The following HYCC1 variants were observed in gnomAD, a reference collection of about 807,000 sequenced individuals.
HYCC1 encodes the protein hyccin.
the HYCC1 span, chr7:22,991,048 C>A: frequency 3.2e-6 from 5 of 1,553,944 alleles, no homozygotes; most frequent in Non-Finnish European, 3.6e-6. Flanking sequence ...TATAGTAGAA[C>A]AGTAAATATT....
At chr7:22,899,326 A>G in the HYCC1 span, among the ~76,000 whole-genome samples, 1 of 152,172 alleles carries the variant, frequency 6.6e-6, no homozygotes, top group Admixed American at 6.5e-5. Flanking sequence ...GTTGTACAGC[A>G]TGGGGGGCCT....
At chr7:22,902,715 T>C in the HYCC1 span, among the ~76,000 whole-genome samples, 1 of 151,992 alleles carries the variant, frequency 6.6e-6, no homozygotes, top group Admixed American at 6.6e-5. Context: ...CATATCTATA[T>C]GGGGAAAAAA....
the HYCC1 span, among the ~76,000 whole-genome samples, chr7:22,927,146 T>C: frequency 5.6e-4 from 85 of 151,938 alleles, no homozygotes; most frequent in Middle Eastern, 6.8e-3. Context: ...AGAACAAAGA[T>C]ACAACATACC....
At chr7:22,960,244 C>T in the HYCC1 span, 9 of 1,611,666 alleles carry the variant, frequency 5.6e-6, no homozygotes, top group East Asian at 4.5e-5. Context: ...TGAAGAGTTA[C>T]GTATTTCTTA....
chr7:22,926,408 AC>A, the HYCC1 span, among the ~76,000 whole-genome samples: 1 of 152,188 alleles, frequency 6.6e-6, no homozygotes, highest in South Asian at 2.1e-4. Context: ...AAGAGTCAAG[AC>A]CCATCAGTGT....
chr7:22,953,184 A>G, the HYCC1 span, among the ~76,000 whole-genome samples: 1 of 151,878 alleles, frequency 6.6e-6, no homozygotes, highest in African/African-American at 2.4e-5. Flanking sequence ...CTGCAGGACC[A>G]GGTGAATCCT....
chr7:22,930,134 T>C, the HYCC1 span, among the ~76,000 whole-genome samples: 35,718 of 137,468 alleles, frequency 0.26, 4,489 homozygotes, highest in East Asian at 0.49. Flanking sequence ...TAGGTGGGAA[T>C]TGAACAAAGA....
At chr7:22,921,355 A>C in the HYCC1 span, among the ~76,000 whole-genome samples, 1 of 152,242 alleles carries the variant, frequency 6.6e-6, no homozygotes, top group Non-Finnish European at 1.5e-5. Flanking sequence ...TCAAACACAC[A>C]AGAACAAATA....
the HYCC1 span, among the ~76,000 whole-genome samples, chr7:23,008,088 G>C: frequency 2.0e-5 from 3 of 151,988 alleles, no homozygotes; most frequent in African/African-American, 7.2e-5. Context: ...AAGAAATAAG[G>C]ATTAAGTGTT....
chr7:22,956,663 G>A, the HYCC1 span, among the ~76,000 whole-genome samples: 3 of 151,766 alleles, frequency 2.0e-5, no homozygotes, highest in South Asian at 2.1e-4. Context: ...ACTCTGGTGC[G>A]GGATGTTGAT....
chr7:22,909,971 A>G, the HYCC1 span, among the ~76,000 whole-genome samples: 1 of 152,202 alleles, frequency 6.6e-6, no homozygotes. Context: ...CCTTTAGTGC[A>G]TGTGTATGAA....
the HYCC1 span, among the ~76,000 whole-genome samples, chr7:22,933,944 T>TA: frequency 6.6e-6 from 1 of 152,134 alleles, no homozygotes; most frequent in Non-Finnish European, 1.5e-5. Flanking sequence ...GGTGGGAAGA[T>TA]AGAGTGGTGG....
At chr7:22,934,863 T>G in the HYCC1 span, 3 of 152,332 alleles carry the variant, frequency 2.0e-5, no homozygotes, top group Non-Finnish European at 1.5e-5. Context: ...AGAGGCACCC[T>G]CTGCCCAGCA....
chr7:22,896,239 G>A, the HYCC1 span, among the ~76,000 whole-genome samples: 1 of 152,196 alleles, frequency 6.6e-6, no homozygotes, highest in Admixed American at 6.5e-5. Flanking sequence ...GGGACAAAAG[G>A]ATACCATGCC....
chr7:22,920,096 G>A, the HYCC1 span, among the ~76,000 whole-genome samples: 1 of 152,210 alleles, frequency 6.6e-6, no homozygotes, highest in Admixed American at 6.5e-5. Context: ...GGGAGGCAAA[G>A]GACGAAGGAT....
chr7:22,960,278 C>T, the HYCC1 span: 26 of 1,613,704 alleles, frequency 1.6e-5, no homozygotes, highest in South Asian at 2.9e-4. Flanking sequence ...ACCTATGACC[C>T]CTTATTGACA....
chr7:22,934,948 G>A, the HYCC1 span: 7 of 152,308 alleles, frequency 4.6e-5, no homozygotes, highest in East Asian at 1.3e-3. Context: ...AGTTTACAAA[G>A]AGTAAACCCC....
At chr7:22,981,450 A>C in the HYCC1 span, among the ~76,000 whole-genome samples, 8 of 152,220 alleles carry the variant, frequency 5.3e-5, no homozygotes. Context: ...TCTAAACAGC[A>C]AAAGGGAGGT....
At chr7:22,981,227 A>G in the HYCC1 span, among the ~76,000 whole-genome samples, 1 of 152,216 alleles carries the variant, frequency 6.6e-6, no homozygotes, top group Admixed American at 6.5e-5. Flanking sequence ...TTGTTCTCAT[A>G]ATTCCTAAGT....
Sources: allele counts gnomAD v4.1 joint callset (sites outside exome capture counted in the v4.1 genomes callset), GRCh38; gene constraint gnomAD v4.1.1; transcripts MANE v1.5; gene names NCBI Gene and HGNC (gene_info 2026-07-23, HGNC 2026-07-21).